Variants in UTP20 observed in about 807,000 individuals in gnomAD.
UTP20 encodes the protein small subunit processome component 20 homolog.
In UTP20, 164 loss-of-function variants were observed where a neutral mutation model predicts 329.5. The observed-to-expected ratio is 0.50, with a 90% CI of 0.44 to 0.57. The LOEUF (loss-of-function observed/expected upper bound fraction) is 0.57. Ranked by LOEUF, UTP20 falls within the 20% of genes least tolerant of loss-of-function variation. The pLI, the probability that UTP20 is intolerant of heterozygous loss-of-function variation, is 0.00. For missense variants in UTP20, 3,055 were observed against 3,284.2 expected (o/e 0.93, Z 1.71); for synonymous variants, 1,151 against 1,159.3 (o/e 0.99, Z 0.14).
chr12:101,377,762 A>G (rs1870523507), intron 56 of UTP20, among the ~76,000 whole-genome samples: 1 of 152,174 alleles, frequency 6.6e-6, no homozygotes, highest in African/African-American at 2.4e-5. Flanking sequence ...TTCAAAGATA[A>G]TTTTTAGACC....
intron 29 of UTP20, 57 bp from the exon 30 acceptor site, chr12:101,337,994 T>A (rs1174743212): frequency 3.5e-5 from 53 of 1,496,418 alleles, no homozygotes; most frequent in Non-Finnish European, 4.6e-5. Context: ...TATGGACATG[T>A]TTTTAGAAGT....
chr12:101,383,247 GT>G lies in UTP20; in HGVS notation c.7865del (p.Leu2622Ter). 1 of 1,614,188 alleles carries G rather than the reference GT, an allele frequency of 6.2e-7. No homozygotes were observed. Among genetic ancestry groups the G allele is most frequent in the Non-Finnish European group, 8.5e-7 (1 of 1,180,048 alleles). On this transcript the variant is annotated frameshift_variant, in exon 59 of 62. Coordinates refer to ENST00000261637, the MANE Select transcript of UTP20 (RefSeq NM_014503.3). LOFTEE classifies it high-confidence loss of function. ...TCGGCAGGCCGGCCACGCTGCTGTG[GT>G]TGATCCAGAAGCTGTCCCGGATTGC... ...ELGRPATLLW[L>X]IQKLSRIAKL...
intron 43 of UTP20, 68 bp downstream of exon 43, chr12:101,357,150 T>A: frequency 6.9e-7 from 1 of 1,442,934 alleles, no homozygotes; most frequent in Non-Finnish European, 9.4e-7. Flanking sequence ...TTGAACACTG[T>A]AAGTTATGGA....
Position 101,309,838 on chromosome 12 carries a change from A to C in UTP20, c.2230A>C (p.Ser744Arg), listed in dbSNP as rs1238907073. The change falls in exon 19 of 62, where the codon AGT becomes CGT. Residue 744 changes from serine to arginine, a missense_variant and splice_region_variant. Physicochemically the swap from Ser to Arg is moderately radical, Grantham distance 110. Transcript: ENST00000261637. Reference sequence around the variant, plus strand: ...CTGGGATCCTGTTATTGAACTCATAAGGTAAACATGGGTTAAATGGGATGA... The same window carrying C: ...CTGGGATCCTGTTATTGAACTCATACGGTAAACATGGGTTAAATGGGATGA... ...ALWDPVIELISSHAHEMENKQ... is the reference protein window; with the variant it reads ...ALWDPVIELIRSHAHEMENKQ... The C allele has an allele frequency of 3.1e-6, 5 of 1,612,942 alleles. No homozygotes were observed. The highest frequency in any genetic ancestry group is 4.2e-6 in the Non-Finnish European group (5 of 1,179,420).
At chr12:101,283,572 T>C (rs1310292367) in intron 2 of UTP20, among the ~76,000 whole-genome samples, 4 of 152,212 alleles carry the variant, frequency 2.6e-5, no homozygotes, top group African/African-American at 9.6e-5. Flanking sequence ...CTCTCACACA[T>C]AGCTGACATA....
Position 101,306,756 on chromosome 12 carries a change from A to T in UTP20, c.1990A>T (p.Met664Leu). 1 of 1,605,068 alleles carries T rather than the reference A, an allele frequency of 6.2e-7. No homozygotes were observed. Among genetic ancestry groups the T allele is most frequent in the Non-Finnish European group, 8.5e-7 (1 of 1,175,222 alleles). ...NHFDVQLPESMEDDGLSERQS... is the reference protein window; with the variant it reads ...NHFDVQLPESLEDDGLSERQS... ...TTTTGATGTCCAGCTTCCAGAATCA[A>T]TGGAGGTATTTTAACTGTTTGAGTG... The change falls in exon 17 of 62, where the codon ATG (methionine) becomes TTG (leucine). Residue 664 changes from methionine (M) to leucine (L), a missense_variant. Transcript: ENST00000261637.
chr12:101,311,643 C>CTTT, intron 19 of UTP20, 76 bp from the exon 20 acceptor site: 7 of 1,019,482 alleles, frequency 6.9e-6, no homozygotes, highest in Admixed American at 5.6e-5. Flanking sequence ...TCCTTTCACT[C>CTTT]TTTTTTTTTT....
rs1870444221 is a variant in UTP20, at chr12:101,375,552, G to C, written c.7264-72G>C. 11 of 1,528,194 alleles carry C rather than the reference G, an allele frequency of 7.2e-6. 1 individual carries two copies. In the South Asian group the frequency reaches 1.2e-4, roughly 16 times the overall value. The allele number at this position is 1,528,194 out of a possible 1,614,324, so 94.7% of individuals were successfully genotyped here. On this transcript the variant is annotated intron_variant, in intron 55 of 61. Coordinates refer to ENST00000261637, the MANE Select transcript of UTP20 (RefSeq NM_014503.3). ...GGTTCAGAAACGGGTGGATTGATGTGCTGGAGTAAAATTGTCCATCAGATA... is the reference window on the plus strand; with the variant it reads ...GGTTCAGAAACGGGTGGATTGATGTCCTGGAGTAAAATTGTCCATCAGATA...
Position 101,386,212 on chromosome 12 carries a change from GTTTTTT to G in UTP20, c.*99_*104del. On this transcript the variant is annotated 3_prime_UTR_variant, in exon 62 of 62. Transcript: ENST00000261637. ...AGGTTGTCTGGGGTAGGGGGGAGGC[GTTTTTT>G]TTTTTTTTTGAGACAAGGTCTCACT... The G allele has an allele frequency of 1.1e-6, 1 of 905,800 alleles. No homozygotes were observed. The highest frequency in any genetic ancestry group is 1.6e-6 in the Non-Finnish European group (1 of 620,606). 56.1% of individuals were successfully genotyped at this position (905,800 alleles called of 1,614,324 possible).
At chr12:101,280,474 T>G (rs1413484949) in intron 1 of UTP20, 147 bp downstream of exon 1, 4 of 1,003,528 alleles carry the variant, frequency 4.0e-6, no homozygotes, top group South Asian at 3.1e-5. Flanking sequence ...AGACACTGGA[T>G]GTAGTAAACA....
chr12:101,292,317 GT>G (rs1217020922), intron 10 of UTP20, among the ~76,000 whole-genome samples: 1 of 152,122 alleles, frequency 6.6e-6, no homozygotes, highest in East Asian at 1.9e-4. Flanking sequence ...AAAATAAAGT[GT>G]GGCAAAAGCT....
chr12:101,302,575 G>A (rs746885980), intron 15 of UTP20, 22 bp downstream of exon 15: 2 of 1,479,750 alleles, frequency 1.4e-6, no homozygotes, highest in Non-Finnish European at 1.8e-6. Flanking sequence ...TCTTCCAGTT[G>A]GTTTAGTAAT....
chr12:101,351,507 G>A (rs10778114), intron 38 of UTP20, among the ~76,000 whole-genome samples: 86,020 of 149,348 alleles, frequency 0.58, 27,312 homozygotes, highest in East Asian at 0.94. Flanking sequence ...CCTGAAAGAG[G>A]TGTCTCTGAG....
intron 25 of UTP20, among the ~76,000 whole-genome samples, chr12:101,324,156 TAAATA>T (rs1868474750): frequency 1.1e-5 from 1 of 93,392 alleles, no homozygotes; most frequent in Non-Finnish European, 2.9e-5. Flanking sequence ...AAAAAATAAA[TAAATA>T]AATAATAATA....
chr12:101,370,488 C>G lies in UTP20; in HGVS notation c.6612C>G (p.Leu2204=), dbSNP rs750651589. 1 of 1,613,990 alleles carries G rather than the reference C, an allele frequency of 6.2e-7. No homozygotes were observed. Among genetic ancestry groups the G allele is most frequent in the Non-Finnish European group, 8.5e-7 (1 of 1,179,948 alleles). The change falls in exon 50 of 62, where the codon CTC becomes CTG. Residue 2204 remains leucine (L), a synonymous_variant. Transcript: ENST00000261637. The stretch of plus-strand genomic sequence containing the variant: ...CTTACCAGATAACTGAAAAACAGCT[C>G]CAAGTTCTACTGGCCTATGCTGAGG... ...VKSYQITEKQ[L]QVLLAYAEED...
rs1208115564 is a variant in UTP20, at chr12:101,334,481, C to G, written c.3618C>G (p.Ile1206Met). ...CTCCTACTCCTCTGCTGAAACTGAT[C>G]AGTATCTGGAGCAGAAACGCAAGGT... is the stretch of plus-strand genomic sequence containing the variant. ...QYSPTPLLKL[I>M]SIWSRNARYF... Residue 1206 changes from isoleucine (I) to methionine (M), a missense_variant, in exon 29 of 62, where the codon ATC (isoleucine) becomes ATG (methionine). By Grantham distance (10) the Ile-to-Met change is conservative. Around this residue, in one of 3 missense-constraint regions of UTP20, gnomAD observed 2,445 missense variants for 2,575.5 expected, o/e 0.95. Transcript: ENST00000261637. 1.2e-6 allele frequency: 2 copies of G among 1,611,868 alleles called. No homozygotes were observed. The highest frequency in any genetic ancestry group is 2.2e-5 in the East Asian group (1 of 44,854).
chr12:101,374,701 T>A (rs1870414314), intron 54 of UTP20, 107 bp from the exon 55 acceptor site: 1 of 661,622 alleles, frequency 1.5e-6, no homozygotes, highest in African/African-American at 1.8e-5. Flanking sequence ...AAGAAATGTT[T>A]ATTTTCTCTG....
chr12:101,290,606 T>C, intron 7 of UTP20, 127 bp from the exon 8 acceptor site: 7 of 1,022,330 alleles, frequency 6.8e-6, no homozygotes, highest in Non-Finnish European at 9.5e-6. Context: ...ACCATCAAAG[T>C]TGCCATATCC....
At chr12:101,331,875 T>C (rs991884083) in intron 27 of UTP20, among the ~76,000 whole-genome samples, 1 of 152,032 alleles carries the variant, frequency 6.6e-6, no homozygotes, top group Non-Finnish European at 1.5e-5. Context: ...GGGTTGAATC[T>C]TCTCCCATTT....
Sources: gnomAD v4.1 joint callset for allele counts (sites outside exome capture counted in the v4.1 genomes callset) on GRCh38, gnomAD v4.1.1 for gene constraint, gnomAD v4.1.1 regional missense constraint, MANE v1.5 for transcripts, NCBI Gene and HGNC (gene_info 2026-07-23, HGNC 2026-07-21) for gene names.